The following MSMO1 variants were observed in gnomAD, a reference collection of about 807,000 sequenced individuals.
MSMO1 encodes methylsterol monooxygenase 1.
A neutral mutation model predicts 30.4 loss-of-function variants in MSMO1; 18 were observed. The ratio of observed to expected loss-of-function variants is 0.59; its 90% CI spans 0.41 to 0.88. MSMO1 has a LOEUF of 0.88. MSMO1 is among the 40% of genes least tolerant of loss of function. The pLI, the probability that MSMO1 is intolerant of heterozygous loss-of-function variation, is 0.00. For synonymous variants in MSMO1, 84 were observed against 107.9 expected (o/e 0.78, Z 1.37); for missense variants, 284 against 340.5 (o/e 0.83, Z 1.31).
At chr4:165,341,222 A>G (rs1235208836) in intron 5 of MSMO1, among the ~76,000 whole-genome samples, 1 of 152,190 alleles carries the variant, frequency 6.6e-6, no homozygotes, top group Non-Finnish European at 1.5e-5. Context: ...TGCCAACTAT[A>G]GAAAAGTACA....
At chr4:165,333,230 A>G (rs1174924498) in intron 1 of MSMO1, 110 bp from the exon 2 acceptor site, 1 of 844,226 alleles carries the variant, frequency 1.2e-6, no homozygotes, top group African/African-American at 1.7e-5. Context: ...AAAAATTTAT[A>G]CTCCTTTAGT....
intron 1 of MSMO1, among the ~76,000 whole-genome samples, chr4:165,332,241 G>T (rs1747417530): frequency 6.6e-6 from 1 of 152,014 alleles, no homozygotes. Context: ...ATCTTAAGTG[G>T]GGCTCTTGCT....
chr4:165,332,874 T>G (rs926754437), intron 1 of MSMO1, among the ~76,000 whole-genome samples: 44 of 152,252 alleles, frequency 2.9e-4, no homozygotes, highest in South Asian at 2.1e-4. Context: ...TTTCCCAGTT[T>G]GTCATTTAAT....
chr4:165,338,399 T>G (rs1747622046), intron 3 of MSMO1, among the ~76,000 whole-genome samples: 1 of 151,674 alleles, frequency 6.6e-6, no homozygotes, highest in Non-Finnish European at 1.5e-5. Flanking sequence ...TTGAGAAAAG[T>G]GTCATGAGGC....
At chr4:165,337,756 A>G (rs540718539) in intron 2 of MSMO1, 33 bp from the exon 3 acceptor site, 3 of 1,608,168 alleles carry the variant, frequency 1.9e-6, no homozygotes, top group African/African-American at 2.7e-5. Flanking sequence ...GATAGCAGAG[A>G]CTAATATTAG....
Position 165,342,170 on chromosome 4 carries a change from A to G in MSMO1, c.*224A>G. On this transcript the variant is annotated 3_prime_UTR_variant, in exon 6 of 6. Transcript: ENST00000261507. Reference sequence around the variant, plus strand: ...AAATATATATTTAAGTACAGTTTTCATGAGGAAGTTTTAAAAGACCATGTT... The same window carrying G: ...AAATATATATTTAAGTACAGTTTTCGTGAGGAAGTTTTAAAAGACCATGTT... The G allele has an allele frequency of 2.4e-6, 1 of 416,358 alleles. No homozygotes were observed. Among genetic ancestry groups the G allele is most frequent in the Non-Finnish European group, 4.3e-6 (1 of 230,322 alleles). The allele number at this position is 416,358 out of a possible 1,614,324, so 25.8% of individuals were successfully genotyped here. A position where few individuals can be genotyped will look rare whatever the true frequency, so the allele number is the denominator to read the frequency against.
chr4:165,330,852 A>G (rs879098049), intron 1 of MSMO1, among the ~76,000 whole-genome samples: 1 of 152,210 alleles, frequency 6.6e-6, no homozygotes, highest in African/African-American at 2.4e-5. Flanking sequence ...AGCCTCCCCA[A>G]GGTGCTGGGA....
At chr4:165,335,703 C>G (rs1747521263) in intron 2 of MSMO1, among the ~76,000 whole-genome samples, 1 of 152,148 alleles carries the variant, frequency 6.6e-6, no homozygotes, top group African/African-American at 2.4e-5. Context: ...ATATGAGCAG[C>G]TTTAAAATAT....
At chr4:165,330,728 G>C (rs934815) in intron 1 of MSMO1, among the ~76,000 whole-genome samples, 37,500 of 151,784 alleles carry the variant, frequency 0.25, 4,923 homozygotes, top group Non-Finnish European at 0.3. Context: ...TTTTTGAGAC[G>C]GAGTTTTGCT....
At chr4:165,332,381 T>G (rs550631351) in intron 1 of MSMO1, among the ~76,000 whole-genome samples, 2 of 152,370 alleles carry the variant, frequency 1.3e-5, no homozygotes, top group African/African-American at 4.8e-5. Flanking sequence ...CTTAATTTAT[T>G]TAACCCATAC....
chr4:165,333,522 C>T lies in MSMO1; in HGVS notation c.152C>T (p.Thr51Ile). 1 of 1,613,566 alleles carries T rather than the reference C, an allele frequency of 6.2e-7. No homozygotes were observed. Among genetic ancestry groups the T allele is most frequent in the South Asian group, 1.1e-5 (1 of 90,972 alleles). ...LNNYTKFQIA[T>I]WGSLIVHEAL... The stretch of plus-strand genomic sequence containing the variant: ...AATTATACAAAGTTCCAGATTGCAA[C>T]ATGGGGATCCCTTATAGTTCATGAA... Residue 51 changes from threonine (T) to isoleucine (I), a missense_variant, in exon 2 of 6, where the codon ACA becomes ATA. Thr to Ile is a moderately conservative substitution (Grantham distance 89, BLOSUM62 -1). Coordinates refer to ENST00000261507, the MANE Select transcript of MSMO1 (RefSeq NM_006745.5).
Position 165,340,264 on chromosome 4 carries a change from C to T in MSMO1, c.575C>T (p.Thr192Ile). 6.2e-7 allele frequency: 1 copy of T among 1,613,930 alleles called. No homozygotes were observed. The highest frequency in any genetic ancestry group is 8.5e-7 in the Non-Finnish European group (1 of 1,179,916). Reference sequence around the variant, plus strand: ...GCTGAATATGCACATCCTTTGGAGACTCTAATTCTTGGAACTGGATTTTTC... The same window carrying T: ...GCTGAATATGCACATCCTTTGGAGATTCTAATTCTTGGAACTGGATTTTTC... Reference protein sequence around the residue: ...MEAEYAHPLETLILGTGFFIG... With the variant: ...MEAEYAHPLEILILGTGFFIG... Residue 192 changes from threonine (T) to isoleucine (I), a missense_variant, in exon 5 of 6, where the codon ACT becomes ATT. Transcript: ENST00000261507.
At chr4:165,337,693 G>C in intron 2 of MSMO1, 96 bp from the exon 3 acceptor site, 1 of 1,251,916 alleles carries the variant, frequency 8.0e-7, no homozygotes, top group Non-Finnish European at 1.2e-6. Context: ...CATAACTGAC[G>C]TAGAATTAAG....
chr4:165,339,648 ATTAT>A (rs1278735141), intron 4 of MSMO1, among the ~76,000 whole-genome samples: 2 of 152,330 alleles, frequency 1.3e-5, no homozygotes, highest in African/African-American at 2.4e-5. Context: ...AATTGCTAGT[ATTAT>A]TTATAAGTGT....
At chr4:165,333,175 A>T (rs1233920550) in intron 1 of MSMO1, among the ~76,000 whole-genome samples, 165 bp from the exon 2 acceptor site, 1 of 152,254 alleles carries the variant, frequency 6.6e-6, no homozygotes, top group African/African-American at 2.4e-5. Context: ...CAAATGTTTT[A>T]AAATGGTGTA....
chr4:165,330,034 A>G (rs1747348580), intron 1 of MSMO1, among the ~76,000 whole-genome samples: 1 of 152,018 alleles, frequency 6.6e-6, no homozygotes, highest in Non-Finnish European at 1.5e-5. Flanking sequence ...GATAAAGACA[A>G]CTCGTGGAAT....
At chr4:165,340,682 A>G (rs1443368622) in intron 5 of MSMO1, 3 of 344,740 alleles carry the variant, frequency 8.7e-6, no homozygotes, top group African/African-American at 2.1e-5. Flanking sequence ...CAAAGCATTC[A>G]GCCTTCCTTG....
chr4:165,335,652 TA>T (rs113790815), intron 2 of MSMO1, among the ~76,000 whole-genome samples: 4 of 152,326 alleles, frequency 2.6e-5, no homozygotes, highest in African/African-American at 9.6e-5. Flanking sequence ...TTAGAAGTAG[TA>T]ACCTTTGCAG....
intron 1 of MSMO1, among the ~76,000 whole-genome samples, chr4:165,332,110 T>G (rs1463229327): frequency 6.6e-6 from 1 of 150,604 alleles, no homozygotes; most frequent in African/African-American, 2.4e-5. Flanking sequence ...AACTCTGTTT[T>G]CCTAGAAGTC....
Sources: allele counts gnomAD v4.1 joint callset (sites outside exome capture counted in the v4.1 genomes callset), GRCh38; gene constraint gnomAD v4.1.1; transcripts MANE v1.5; gene names NCBI Gene and HGNC (gene_info 2026-07-23, HGNC 2026-07-21).